ZNF708: variants seen among roughly 807,000 people sequenced by gnomAD.
ZNF708 encodes the protein ZNF15, ZNF15L1.
A neutral mutation model predicts 47.0 loss-of-function variants in ZNF708; 44 were observed. That is an observed-to-expected ratio of 0.94 (90% CI 0.74 to 1.20). The LOEUF (loss-of-function observed/expected upper bound fraction) is 1.20, where lower values mean the gene tolerates loss of function less well. ZNF708 is among the 50% of genes most tolerant of loss of function. The probability of loss-of-function intolerance (pLI) is 0.00; values close to 1 mark genes in which losing one functional copy is unlikely to be tolerated. For missense variants in ZNF708, 557 were observed against 656.0 expected, an observed-to-expected ratio of 0.85 and a Z score of 1.65; for synonymous variants, 184 against 218.5, an observed-to-expected ratio of 0.84 and a Z score of 1.39.
intron 2 of ZNF708, 133 bp downstream of exon 2, chr19:21,310,368 C>A: frequency 3.6e-6 from 1 of 280,202 alleles, no homozygotes. Flanking sequence ...TCTCTTGAAC[C>A]CTGGAGGCAA....
At chr19:21,294,916 AT>A (rs1464676846) in intron 3 of ZNF708, among the ~76,000 whole-genome samples, 177 bp from the exon 4 acceptor site, 1 of 152,222 alleles carries the variant, frequency 6.6e-6, no homozygotes, top group East Asian at 1.9e-4. Flanking sequence ...TTTGTAAAAA[AT>A]TTATAAATAA....
chr19:21,308,511 T>C (rs1426752030), intron 3 of ZNF708, among the ~76,000 whole-genome samples: 1 of 152,132 alleles, frequency 6.6e-6, no homozygotes, highest in African/African-American at 2.4e-5. Context: ...ACTCCTGACC[T>C]CAGGTGATCC....
At chr19:21,326,946 T>C (rs984245323) in intron 1 of ZNF708, among the ~76,000 whole-genome samples, 1 of 151,462 alleles carries the variant, frequency 6.6e-6, no homozygotes. Flanking sequence ...AATATAAATA[T>C]AAATACATAT....
chr19:21,321,691 C>CAAAGAAAGAAAG lies in ZNF708; in HGVS notation c.3+7507_3+7518dup, dbSNP rs199938811. 2.1e-3 allele frequency among the ~76,000 whole-genome samples: 304 copies of CAAAGAAAGAAAG among 142,080 alleles called. 2 individuals are homozygous for CAAAGAAAGAAAG. The highest frequency in any genetic ancestry group is 7.3e-3 in the African/African-American group (280 of 38,454). 93.2% of individuals were successfully genotyped at this position (142,080 alleles called of 152,430 possible). A position where few individuals can be genotyped will look rare whatever the true frequency, so the allele number is the denominator to read the frequency against. On this transcript the variant is annotated intron_variant, in intron 1 of 3. Coordinates refer to ENST00000356929, the MANE Select transcript of ZNF708 (RefSeq NM_021269.3). ...AGAGAGAAAAGAAAAAAGAAGGAAA[C>CAAAGAAAGAAAG]AAAGAAAGAAAGAAAGGAAGGAAGG...
intron 1 of ZNF708, among the ~76,000 whole-genome samples, chr19:21,314,736 G>C (rs1319523430): frequency 6.6e-6 from 1 of 152,044 alleles, no homozygotes; most frequent in African/African-American, 2.4e-5. Context: ...AATTCATCTG[G>C]GTACCAATCA....
rs775232906 is a variant in ZNF708 at position 21,294,387 on chromosome 19, T to C, written c.579A>G (p.Glu193=). 6 of 1,613,600 alleles carry C rather than the reference T, an allele frequency of 3.7e-6. No homozygotes were observed. The Admixed American group carries it at 8.3e-5, about 22-fold the overall frequency. Residue 193 remains glutamate (E), a synonymous_variant, in exon 4 of 4, where the codon GAA becomes GAG. Coordinates refer to ENST00000356929, the MANE Select transcript of ZNF708 (RefSeq NM_021269.3). Reference sequence around the variant, plus strand: ...CACATTCTTCACATTTGTAGGGTTTTTCTCCAGTATGAATTATCTCATGTT... The same window carrying C: ...CACATTCTTCACATTTGTAGGGTTTCTCTCCAGTATGAATTATCTCATGTT... The part of the protein sequence containing the change: ...LTQHEIIHTG[E]KPYKCEECGK...
rs1298347389 is a variant in ZNF708, at chr19:21,301,499, C to G, written c.227-6760G>C. On this transcript the variant is annotated intron_variant, in intron 3 of 3. Coordinates refer to ENST00000356929, the MANE Select transcript of ZNF708 (RefSeq NM_021269.3). ...GGCATGGTGGCAGTCCCCTGTAATCCCAGCTACTCCGGAGGCTGAGACAGG... is the reference window on the plus strand; with the variant it reads ...GGCATGGTGGCAGTCCCCTGTAATCGCAGCTACTCCGGAGGCTGAGACAGG... Among the ~76,000 whole-genome samples the G allele has an allele frequency of 2.0e-5, 3 of 152,090 alleles. No homozygotes were observed. In the East Asian group the frequency reaches 5.8e-4, roughly 29 times the overall value.
chr19:21,306,373 T>G (rs79725439), intron 3 of ZNF708, among the ~76,000 whole-genome samples: 1 of 146,522 alleles, frequency 6.8e-6, no homozygotes, highest in Non-Finnish European at 1.5e-5. Flanking sequence ...CTCTTAAAAC[T>G]GAACAATAAA....
At position 21,294,164 on chromosome 19, in the gene ZNF708, T is replaced by TCCCC; in HGVS notation, c.801_802insGGGG (p.Thr268GlyfsTer3). 1 of 1,612,470 alleles carries TCCCC rather than the reference T, an allele frequency of 6.2e-7. No individual in the cohort carries two copies. The highest frequency in any genetic ancestry group is 8.5e-7 in the Non-Finnish European group (1 of 1,179,602). On this transcript the variant is annotated frameshift_variant, in exon 4 of 4. Transcript: ENST00000356929. LOFTEE classifies it high-confidence loss of function. ...CCAGTATGAACTATCTTATGTTTAG[T>TCCCC]AAGGTTTGAGGACCGGTTAAAAGCT...
At chr19:21,327,024 G>C (rs1404304088) in intron 1 of ZNF708, among the ~76,000 whole-genome samples, 1 of 151,800 alleles carries the variant, frequency 6.6e-6, no homozygotes, top group African/African-American at 2.4e-5. Context: ...TCTAAGAAAG[G>C]AAAACTTAAA....
intron 3 of ZNF708, among the ~76,000 whole-genome samples, chr19:21,298,681 T>G (rs989036323): frequency 2.6e-5 from 4 of 152,100 alleles, no homozygotes; most frequent in Non-Finnish European, 5.9e-5. Flanking sequence ...TGTGTGAATA[T>G]AAAGATAAGA....
intron 1 of ZNF708, among the ~76,000 whole-genome samples, chr19:21,326,953 A>C (rs1973267815): frequency 6.6e-6 from 1 of 151,650 alleles, no homozygotes; most frequent in Admixed American, 6.6e-5. Context: ...ATATAAATAC[A>C]TATATATTTG....
chr19:21,304,095 G>T (rs1298461308), intron 3 of ZNF708, among the ~76,000 whole-genome samples: 1 of 152,046 alleles, frequency 6.6e-6, no homozygotes, highest in African/African-American at 2.4e-5. Context: ...AAGAAAAAAG[G>T]TTTATTTGGC....
rs775396117 is a variant in ZNF708, at chr19:21,293,589, GTAGT to G, written c.1373_1376del (p.Asn458ThrfsTer38). 9.3e-6 allele frequency: 15 copies of G among 1,611,300 alleles called. No individual in the cohort carries two copies. The highest frequency in any genetic ancestry group is 1.3e-5 in the African/African-American group (1 of 74,462). On this transcript the variant is annotated frameshift_variant, in exon 4 of 4. Transcript: ENST00000356929. LOFTEE classifies it high-confidence loss of function. ...TTTTATGATTAGTAAAATTTGAGGA[GTAGT>G]TAAAAGTTTTGCCACATTCTTCACA...
rs564605121 is a variant in ZNF708, at chr19:21,329,409, G to A, written c.-197C>T. Reference sequence around the variant, plus strand: ...CTGTCCGGTCCAGCTGCGTGTCTGAGTGAACTGTCCCCAGCTCAGAGTCCC... The same window carrying A: ...CTGTCCGGTCCAGCTGCGTGTCTGAATGAACTGTCCCCAGCTCAGAGTCCC... On this transcript the variant is annotated 5_prime_UTR_variant, in exon 1 of 4. Transcript: ENST00000356929. The A allele has an allele frequency of 6.8e-6, 5 of 734,120 alleles. No homozygotes were observed. The highest frequency in any genetic ancestry group is 4.9e-5 in the South Asian group (3 of 60,870). The allele number at this position is 734,120 out of a possible 1,614,324, so 45.5% of individuals were successfully genotyped here. A position where few individuals can be genotyped will look rare whatever the true frequency, so the allele number is the denominator to read the frequency against.
chr19:21,325,188 CCAT>C (rs1386342296), intron 1 of ZNF708, among the ~76,000 whole-genome samples: 1 of 152,038 alleles, frequency 6.6e-6, no homozygotes. Flanking sequence ...CAAAATACCA[CCAT>C]AATTCTTCAC....
chr19:21,309,869 T>C (rs1972860810), intron 2 of ZNF708, among the ~76,000 whole-genome samples: 1 of 152,250 alleles, frequency 6.6e-6, no homozygotes, highest in Non-Finnish European at 1.5e-5. Context: ...TACTCAGTGC[T>C]ACTGAATCAA....
At position 21,321,514 on chromosome 19, in the gene ZNF708, G is replaced by A. The variant is rs141624619; in HGVS notation, c.3+7696C>T. Among the ~76,000 whole-genome samples the A allele has an allele frequency of 6.6e-3, 995 of 151,632 alleles. 18 individuals carry two copies. Among genetic ancestry groups the A allele is most frequent in the African/African-American group, 0.022 (915 of 41,314 alleles). Reference sequence around the variant, plus strand: ...GGAGAATCGCTTGAACCTGGGAGGCGGAAGTTGCAGTGAGCCAAGATCATG... The same window carrying A: ...GGAGAATCGCTTGAACCTGGGAGGCAGAAGTTGCAGTGAGCCAAGATCATG... On this transcript the variant is annotated intron_variant, in intron 1 of 3. Coordinates refer to ENST00000356929, the MANE Select transcript of ZNF708 (RefSeq NM_021269.3).
Position 21,293,912 on chromosome 19 carries a change from T to G in ZNF708, c.1054A>C (p.Thr352Pro). ...GKAFSVFSTL[T>P]KHKIIHTEEK... is the part of the protein sequence containing the mutation. Reference sequence around the variant, plus strand: ...TCAGTATGAATTATCTTATGTTTAGTAAGGGTTGAAAATACACTAAAAGCT... The same window carrying G: ...TCAGTATGAATTATCTTATGTTTAGGAAGGGTTGAAAATACACTAAAAGCT... The change falls in exon 4 of 4, where the codon ACT becomes CCT. Residue 352 changes from threonine to proline, a missense_variant. Thr to Pro is a conservative substitution (Grantham distance 38). Transcript: ENST00000356929. The G allele has an allele frequency of 1.2e-6, 2 of 1,613,494 alleles. No homozygotes were observed. Among genetic ancestry groups the G allele is most frequent in the Non-Finnish European group, 1.7e-6 (2 of 1,179,794 alleles).
Sources: allele counts gnomAD v4.1 joint callset (sites outside exome capture counted in the v4.1 genomes callset), GRCh38; gene constraint gnomAD v4.1.1; transcripts MANE v1.5; gene names NCBI Gene and HGNC (gene_info 2026-07-23, HGNC 2026-07-21).